The following INPP4B variants were observed in gnomAD, a reference collection of about 807,000 sequenced individuals.
The protein encoded by INPP4B is inositol polyphosphate-4-phosphatase type II B, also known as inositol polyphosphate 4-phosphatase type II.
A neutral mutation model predicts 122.5 loss-of-function variants in INPP4B; 55 were observed. The ratio of observed to expected loss-of-function variants is 0.45; its 90% confidence interval spans 0.36 to 0.56. INPP4B has a LOEUF of 0.56. Among genes scored for constraint, INPP4B ranks in the 20% least tolerant of loss-of-function variants. The pLI is 0.00. For synonymous variants in INPP4B, 403 were observed against 388.7 expected (o/e 1.04, Z -0.43); for missense variants, 1,000 against 1,097.7 (o/e 0.91, Z 1.26).
chr4:142,297,375 C>T (rs1759218301), intron 9 of INPP4B, among the ~76,000 whole-genome samples: 1 of 152,180 alleles, frequency 6.6e-6, no homozygotes, highest in Non-Finnish European at 1.5e-5. Context: ...TGGATGTCCG[C>T]TCCAAATCTC....
At chr4:142,475,740 G>C (rs1235214209) in intron 2 of INPP4B, among the ~76,000 whole-genome samples, 1 of 152,036 alleles carries the variant, frequency 6.6e-6, no homozygotes, top group Non-Finnish European at 1.5e-5. Context: ...GAGGAGGAAA[G>C]AATCTCAGAG....
intron 15 of INPP4B, among the ~76,000 whole-genome samples, chr4:142,186,541 G>T (rs1395251250): frequency 1.3e-5 from 2 of 152,338 alleles, no homozygotes; most frequent in Admixed American, 6.5e-5. Flanking sequence ...TGGGCTAAGA[G>T]AATCACTGCT....
At chr4:142,264,250 T>TGC in intron 10 of INPP4B, among the ~76,000 whole-genome samples, 1 of 152,162 alleles carries the variant, frequency 6.6e-6, no homozygotes. Context: ...ATCCAGGTGA[T>TGC]AGACAACATT....
intron 6 of INPP4B, 38 bp from the exon 7 acceptor site, chr4:142,403,092 G>A (rs778369190): frequency 1.8e-6 from 2 of 1,132,680 alleles, no homozygotes; most frequent in Non-Finnish European, 2.7e-6. Context: ...ATTCAATAAG[G>A]CAGCAACTGT....
intron 12 of INPP4B, among the ~76,000 whole-genome samples, chr4:142,213,750 A>C (rs927501945): frequency 4.6e-5 from 7 of 152,168 alleles, no homozygotes; most frequent in Non-Finnish European, 1.0e-4. Flanking sequence ...CTCCTTCTCT[A>C]CATGAAGCGA....
At chr4:142,620,013 C>T (rs888662727) in intron 2 of INPP4B, among the ~76,000 whole-genome samples, 12 of 151,810 alleles carry the variant, frequency 7.9e-5, no homozygotes, top group African/African-American at 2.4e-4. Context: ...CTGGGTTTTA[C>T]GAGTCAAAAA....
At chr4:142,720,388 AAT>A (rs1447081883) in intron 2 of INPP4B, among the ~76,000 whole-genome samples, 1 of 152,106 alleles carries the variant, frequency 6.6e-6, no homozygotes, top group Non-Finnish European at 1.5e-5. Context: ...ATTCATTAAA[AAT>A]ATAGAGAGCT....
chr4:142,443,704 TC>T (rs1279754637), intron 3 of INPP4B, among the ~76,000 whole-genome samples: 2 of 151,874 alleles, frequency 1.3e-5, no homozygotes, highest in Admixed American at 1.3e-4. Flanking sequence ...ATAATGAACC[TC>T]TCTCAGGTAG....
intron 1 of INPP4B, chr4:142,795,176 C>T (rs542664226): frequency 5.3e-4 from 81 of 151,846 alleles, no homozygotes; most frequent in African/African-American, 1.8e-3. Flanking sequence ...AAGAATTTGA[C>T]AAACATAATG....
chr4:142,084,327 G>A lies in INPP4B; in HGVS notation c.2487+1817C>T, dbSNP rs1164255033. 2.0e-5 allele frequency among the ~76,000 whole-genome samples: 3 copies of A among 151,906 alleles called. No individual in the cohort carries two copies. The East Asian group carries it at 5.8e-4, about 29-fold the overall frequency. On this transcript the variant is annotated intron_variant, in intron 24 of 25. Coordinates refer to ENST00000262992, the MANE Select transcript of INPP4B (RefSeq NM_001101669.3). ...TAGTAGAGATGGAGTTTCACTGTTG[G>A]CCAGGATGGTCTCCATCACCTGACC...
chr4:142,256,328 A>G (rs1206084109), intron 11 of INPP4B, among the ~76,000 whole-genome samples: 2 of 151,732 alleles, frequency 1.3e-5, no homozygotes, highest in African/African-American at 4.8e-5. Flanking sequence ...TTCAAAAGCT[A>G]GCAGAAGGCA....
At chr4:142,056,868 G>A (rs1406599783) in intron 25 of INPP4B, among the ~76,000 whole-genome samples, 1 of 152,086 alleles carries the variant, frequency 6.6e-6, no homozygotes, top group African/African-American at 2.4e-5. Context: ...AGCAATACTA[G>A]TGAAAAGAGT....
At chr4:142,420,272 T>C (rs1295122380) in intron 5 of INPP4B, among the ~76,000 whole-genome samples, 2 of 152,098 alleles carry the variant, frequency 1.3e-5, no homozygotes, top group Non-Finnish European at 2.9e-5. Flanking sequence ...ACAAGAAGAA[T>C]AGATCTATTT....
At chr4:142,362,279 G>A (rs1384000168) in intron 7 of INPP4B, among the ~76,000 whole-genome samples, 1 of 151,986 alleles carries the variant, frequency 6.6e-6, no homozygotes, top group Non-Finnish European at 1.5e-5. Flanking sequence ...CATGTCTTTT[G>A]TTCACTTCTT....
chr4:142,667,094 T>C (rs968037357), intron 2 of INPP4B, among the ~76,000 whole-genome samples: 2 of 152,216 alleles, frequency 1.3e-5, no homozygotes, highest in African/African-American at 2.4e-5. Context: ...CTGATCATAC[T>C]AACAGCATAA....
At chr4:142,618,139 T>A (rs1744108552) in intron 2 of INPP4B, among the ~76,000 whole-genome samples, 1 of 151,972 alleles carries the variant, frequency 6.6e-6, no homozygotes, top group South Asian at 2.1e-4. Context: ...CTTAATATTG[T>A]CAAAATGTCC....
chr4:142,170,617 TAAAA>T (rs554410120), intron 16 of INPP4B, among the ~76,000 whole-genome samples: 5 of 151,730 alleles, frequency 3.3e-5, no homozygotes, highest in Non-Finnish European at 7.4e-5. Flanking sequence ...GACTACATGT[TAAAA>T]TAATATTATC....
At chr4:142,649,123 A>G (rs1441891355) in intron 2 of INPP4B, among the ~76,000 whole-genome samples, 3 of 152,344 alleles carry the variant, frequency 2.0e-5, no homozygotes, top group East Asian at 3.9e-4. Context: ...CCTGCAGCTG[A>G]GGGACCTGAC....
At chr4:142,185,885 T>TAAA (rs10632593) in intron 15 of INPP4B, among the ~76,000 whole-genome samples, 101,860 of 129,726 alleles carry the variant, frequency 0.79, 40,516 homozygotes, top group East Asian at 0.9. Flanking sequence ...TCTCAAAACA[T>TAAA]AAAAAAAAAA....
Sources: gnomAD v4.1 joint callset for allele counts (sites outside exome capture counted in the v4.1 genomes callset) on GRCh38, gnomAD v4.1.1 for gene constraint, MANE v1.5 for transcripts, NCBI Gene and HGNC (gene_info 2026-07-23, HGNC 2026-07-21) for gene names.